The following LRRIQ3 variants were observed in gnomAD, a reference collection of about 807,000 sequenced individuals.
The protein encoded by LRRIQ3 is leucine rich repeats and IQ motif containing 3, also known as leucine-rich repeat and IQ domain-containing protein 3.
LRRIQ3 carries 75 observed loss-of-function variants against 59.3 expected under a neutral mutation model. The observed-to-expected ratio is 1.26, with a 90% CI of 1.05 to 1.53. The LOEUF is 1.53. LRRIQ3 is among the 40% of genes most tolerant of loss of function. The pLI is 0.00. For missense variants in LRRIQ3, 831 were observed against 710.0 expected (o/e 1.17, Z -1.94); for synonymous variants, 250 against 231.3 (o/e 1.08, Z -0.73).
At chr1:74,145,269 G>A (rs1647497568) in intron 4 of LRRIQ3, among the ~76,000 whole-genome samples, 1 of 152,102 alleles carries the variant, frequency 6.6e-6, no homozygotes, top group African/African-American at 2.4e-5. Context: ...CAACAAAAGG[G>A]TATTCATGAC....
chr1:74,194,557 T>TTTTG (rs1418814448), intron 1 of LRRIQ3, among the ~76,000 whole-genome samples: 2 of 152,144 alleles, frequency 1.3e-5, no homozygotes, highest in Non-Finnish European at 2.9e-5. Flanking sequence ...GAAAAAAAGC[T>TTTTG]TTTGTGAGAC....
rs544231058 is a variant in LRRIQ3 at position 74,042,424 on chromosome 1, A to G, written c.998-491T>C. ...AAACAGCTTGATTGGTTATGGTTCAATTTTGCCTTATTTGGACATAATCAT... is the reference window on the plus strand; with the variant it reads ...AAACAGCTTGATTGGTTATGGTTCAGTTTTGCCTTATTTGGACATAATCAT... On this transcript the variant is annotated intron_variant, in intron 6 of 7. Transcript: ENST00000354431. 5.3e-5 allele frequency among the ~76,000 whole-genome samples: 8 copies of G among 152,198 alleles called. No homozygotes were observed. In the South Asian group the frequency reaches 1.7e-3, roughly 32 times the overall value.
At chr1:74,143,753 A>G (rs981193145) in intron 4 of LRRIQ3, among the ~76,000 whole-genome samples, 2 of 151,388 alleles carry the variant, frequency 1.3e-5, no homozygotes, top group African/African-American at 2.4e-5. Flanking sequence ...TTTTTATCTC[A>G]TAATTCCAAA....
chr1:74,145,277 G>A (rs536628258), intron 4 of LRRIQ3, among the ~76,000 whole-genome samples: 3 of 152,124 alleles, frequency 2.0e-5, no homozygotes, highest in Non-Finnish European at 4.4e-5. Flanking sequence ...GGGTATTCAT[G>A]ACAGCTGCAA....
At chr1:74,092,213 A>G (rs1008574009) in intron 5 of LRRIQ3, among the ~76,000 whole-genome samples, 12 of 152,142 alleles carry the variant, frequency 7.9e-5, no homozygotes. Flanking sequence ...AAAGCATGAG[A>G]TAAAAACAGT....
At chr1:74,131,497 T>A (rs1647019515) in intron 4 of LRRIQ3, among the ~76,000 whole-genome samples, 1 of 152,112 alleles carries the variant, frequency 6.6e-6, no homozygotes, top group African/African-American at 2.4e-5. Context: ...GCAAACCGAA[T>A]CCAGCAGCAC....
chr1:74,083,510 G>A (rs1366941838), intron 5 of LRRIQ3: 2 of 151,644 alleles, frequency 1.3e-5, no homozygotes, highest in Non-Finnish European at 3.0e-5. Flanking sequence ...GTGACTGTAA[G>A]TCTCTCTGGG....
intron 4 of LRRIQ3, among the ~76,000 whole-genome samples, chr1:74,145,417 T>C (rs1243273854): frequency 6.6e-6 from 1 of 152,170 alleles, no homozygotes; most frequent in Non-Finnish European, 1.5e-5. Flanking sequence ...CCTGAATTTT[T>C]CGTGAGCTTC....
chr1:74,053,829 CCTA>C (rs796154640), intron 6 of LRRIQ3, among the ~76,000 whole-genome samples: 13 of 152,252 alleles, frequency 8.5e-5, no homozygotes, highest in African/African-American at 3.1e-4. Flanking sequence ...ACACTACACA[CCTA>C]CTAGAATGGC....
chr1:74,070,538 C>T (rs567798607), intron 6 of LRRIQ3, among the ~76,000 whole-genome samples: 10 of 151,910 alleles, frequency 6.6e-5, no homozygotes, highest in African/African-American at 2.2e-4. Context: ...ATGCTTACTA[C>T]CTGAGTAAGG....
At chr1:74,124,992 CA>C (rs1337749680) in intron 4 of LRRIQ3, among the ~76,000 whole-genome samples, 1 of 151,736 alleles carries the variant, frequency 6.6e-6, no homozygotes. Context: ...AATCCAGGAA[CA>C]TATGTATTTC....
chr1:74,161,628 C>T (rs1040213429), intron 3 of LRRIQ3, among the ~76,000 whole-genome samples: 3 of 151,634 alleles, frequency 2.0e-5, no homozygotes, highest in Non-Finnish European at 4.4e-5. Flanking sequence ...ACCAAGTAGC[C>T]CTGGTCAGAA....
chr1:74,138,340 C>A (rs888218794), intron 4 of LRRIQ3: 2 of 225,718 alleles, frequency 8.9e-6, no homozygotes, highest in Non-Finnish European at 1.5e-5. Context: ...TATCCCAGGT[C>A]ACAAAAAGTC....
chr1:74,050,618 G>A, intron 6 of LRRIQ3: 5 of 978,502 alleles, frequency 5.1e-6, no homozygotes, highest in Non-Finnish European at 4.9e-6. Context: ...CAGCATAGCT[G>A]TGATTTGAAT....
At chr1:74,188,861 T>C (rs560650317) in intron 1 of LRRIQ3, among the ~76,000 whole-genome samples, 12 of 152,300 alleles carry the variant, frequency 7.9e-5, no homozygotes, top group Admixed American at 6.5e-4. Flanking sequence ...TAGAAATCTA[T>C]TGTAAATTCC....
chr1:74,145,085 AT>A (rs1459356133), intron 4 of LRRIQ3, among the ~76,000 whole-genome samples: 2 of 152,126 alleles, frequency 1.3e-5, no homozygotes, highest in Non-Finnish European at 2.9e-5. Context: ...AAATCCTTCC[AT>A]TTTGGGTACC....
chr1:74,048,556 A>C (rs1414981969), intron 6 of LRRIQ3, among the ~76,000 whole-genome samples: 1 of 152,172 alleles, frequency 6.6e-6, no homozygotes. Context: ...TCACCAATTA[A>C]TTCATCTATC....
chr1:74,091,760 C>T (rs1299550244), intron 5 of LRRIQ3, among the ~76,000 whole-genome samples: 1 of 151,980 alleles, frequency 6.6e-6, no homozygotes. Context: ...TGGAAAGTAT[C>T]TATTTTATTT....
Position 74,161,788 on chromosome 1 carries a change from A to C in LRRIQ3, c.574-5922T>G, listed in dbSNP as rs187724725. 2.7e-4 allele frequency among the ~76,000 whole-genome samples: 41 copies of C among 152,062 alleles called. No individual in the cohort carries two copies. The East Asian group carries it at 6.6e-3, about 24-fold the overall frequency. ...GTAGTATGAGTGTCCCTTCCAGAGAACAAGTAAACTCCAGACAATACTTAA... is the reference window on the plus strand; with the variant it reads ...GTAGTATGAGTGTCCCTTCCAGAGACCAAGTAAACTCCAGACAATACTTAA... On this transcript the variant is annotated intron_variant, in intron 3 of 7. Transcript: ENST00000354431.
Sources: gnomAD v4.1 joint callset for allele counts (sites outside exome capture counted in the v4.1 genomes callset) on GRCh38, gnomAD v4.1.1 for gene constraint, MANE v1.5 for transcripts, NCBI Gene and HGNC (gene_info 2026-07-23, HGNC 2026-07-21) for gene names.